Variants in MYO3A observed in about 807,000 individuals in gnomAD.
MYO3A encodes the protein myosin-IIIa.
Under a neutral mutation model 192.7 loss-of-function variants are expected in MYO3A, and 180 were observed. That is an observed-to-expected ratio of 0.93 (90% CI 0.83 to 1.06). The LOEUF (loss-of-function observed/expected upper bound fraction) is 1.06. Among genes scored for constraint, MYO3A ranks in the 50% least tolerant of loss-of-function variants. MYO3A has a pLI of 0.00. For missense variants in MYO3A, 1,896 were observed against 1,905.0 expected (o/e 1.00, Z 0.09); for synonymous variants, 628 against 645.3 (o/e 0.97, Z 0.41).
intron 2 of MYO3A, among the ~76,000 whole-genome samples, chr10:25,937,263 C>A (rs898442931): frequency 6.6e-6 from 1 of 152,218 alleles, no homozygotes; most frequent in Non-Finnish European, 1.5e-5. Flanking sequence ...TGCCACATTG[C>A]TGCCATCCTC....
intron 14 of MYO3A, among the ~76,000 whole-genome samples, chr10:26,073,868 G>A (rs1445944962): frequency 6.6e-6 from 1 of 151,884 alleles, no homozygotes; most frequent in Non-Finnish European, 1.5e-5. Flanking sequence ...AATTTGGGGT[G>A]GTGAAGGAAT....
At chr10:26,036,716 C>T (rs1254269676) in intron 10 of MYO3A, among the ~76,000 whole-genome samples, 1 of 152,180 alleles carries the variant, frequency 6.6e-6, no homozygotes, top group African/African-American at 2.4e-5. Context: ...CCAACTTGCT[C>T]ATCTCTCCCT....
At chr10:26,095,709 T>C (rs181597637) in intron 15 of MYO3A, among the ~76,000 whole-genome samples, 1 of 152,216 alleles carries the variant, frequency 6.6e-6, no homozygotes, top group Non-Finnish European at 1.5e-5. Context: ...AATGGCATTA[T>C]TGCAGCATCT....
chr10:25,995,094 C>A (rs559370874), intron 4 of MYO3A, among the ~76,000 whole-genome samples: 2 of 150,616 alleles, frequency 1.3e-5, no homozygotes, highest in East Asian at 1.9e-4. Context: ...GGATAATATC[C>A]TAAAGAGTGT....
chr10:25,996,165 C>T (rs997178657), intron 4 of MYO3A, among the ~76,000 whole-genome samples: 2 of 142,220 alleles, frequency 1.4e-5, no homozygotes, highest in African/African-American at 5.1e-5. Flanking sequence ...TTCCAGCTTC[C>T]TGGCCGCTTT....
chr10:26,021,808 T>C lies in MYO3A; in HGVS notation c.731+160T>C, dbSNP rs1268383196. Reference sequence around the variant, plus strand: ...TTCTGCTTCTTCTGAGACATTGTATTTGTTCAGTAGTTGCATTTCCCTGGT... The same window carrying C: ...TTCTGCTTCTTCTGAGACATTGTATCTGTTCAGTAGTTGCATTTCCCTGGT... On this transcript the variant is annotated intron_variant, in intron 8 of 34. Transcript: ENST00000642920. 4.1e-6 allele frequency: 4 copies of C among 974,522 alleles called. No individual in the cohort carries two copies. In the Admixed American group the frequency reaches 8.0e-5, roughly 20 times the overall value. 60.4% of individuals were successfully genotyped at this position (974,522 alleles called of 1,614,324 possible). A position where few individuals can be genotyped will look rare whatever the true frequency, so the allele number is the denominator to read the frequency against.
At chr10:26,000,612 T>G (rs929702966) in intron 6 of MYO3A, among the ~76,000 whole-genome samples, 11 of 152,074 alleles carry the variant, frequency 7.2e-5, no homozygotes, top group African/African-American at 2.7e-4. Context: ...ACCACAGGGT[T>G]TTTTTTTATA....
intron 4 of MYO3A, among the ~76,000 whole-genome samples, chr10:25,960,292 T>G (rs952675897): frequency 2.0e-5 from 3 of 152,156 alleles, no homozygotes; most frequent in Non-Finnish European, 4.4e-5. Flanking sequence ...TCAAAAATCT[T>G]TCATCATCTG....
At chr10:25,968,571 C>T (rs987187946) in intron 4 of MYO3A, among the ~76,000 whole-genome samples, 1 of 152,170 alleles carries the variant, frequency 6.6e-6, no homozygotes, top group African/African-American at 2.4e-5. Context: ...ACAATTATAA[C>T]TCTATATTGT....
At chr10:26,168,932 A>C in intron 28 of MYO3A, 58 bp downstream of exon 28, 1 of 1,516,210 alleles carries the variant, frequency 6.6e-7, no homozygotes, top group Non-Finnish European at 9.1e-7. Context: ...AATACTTCTT[A>C]CAGGCAAACC....
At chr10:26,126,199 C>T (rs543444943) in intron 19 of MYO3A, among the ~76,000 whole-genome samples, 6 of 152,048 alleles carry the variant, frequency 3.9e-5, no homozygotes, top group South Asian at 2.1e-4. Context: ...ATTACAGCCA[C>T]GACTGACTGA....
At chr10:25,979,423 A>G (rs565078642) in intron 4 of MYO3A, among the ~76,000 whole-genome samples, 2 of 151,776 alleles carry the variant, frequency 1.3e-5, no homozygotes, top group South Asian at 2.1e-4. Context: ...AAAAAAAAAA[A>G]AAGAAAACAG....
At chr10:26,151,952 C>T (rs766716567) in intron 23 of MYO3A, among the ~76,000 whole-genome samples, 10 of 152,162 alleles carry the variant, frequency 6.6e-5, no homozygotes, top group Non-Finnish European at 1.0e-4. Context: ...TTAATCTAGT[C>T]GGTGTTACTT....
chr10:25,959,225 T>C (rs184917939), intron 4 of MYO3A, among the ~76,000 whole-genome samples: 323 of 152,256 alleles, frequency 2.1e-3, no homozygotes, highest in African/African-American at 7.2e-3. Context: ...TGTATGTTTT[T>C]TGTATGTTTA....
chr10:25,996,358 A>T, intron 4 of MYO3A, 132 bp from the exon 5 acceptor site: 2 of 710,600 alleles, frequency 2.8e-6, no homozygotes, highest in South Asian at 1.6e-5. Flanking sequence ...TTATGAAAGC[A>T]TAAAGATAAT....
chr10:26,009,672 A>T (rs1321286033), intron 6 of MYO3A, among the ~76,000 whole-genome samples: 1 of 152,200 alleles, frequency 6.6e-6, no homozygotes, highest in Non-Finnish European at 1.5e-5. Flanking sequence ...TTTTATTAAG[A>T]GCTACCAAGT....
chr10:26,193,503 A>G (rs1286199979), intron 32 of MYO3A, among the ~76,000 whole-genome samples, 192 bp downstream of exon 32: 2 of 152,040 alleles, frequency 1.3e-5, no homozygotes, highest in Non-Finnish European at 2.9e-5. Flanking sequence ...TCTTCCTCAC[A>G]TTCAAGCCTC....
rs751407743 is a variant in MYO3A, at chr10:26,128,403, T to C, written c.2127T>C (p.Asp709=). ...TCAATTCTTCTAGTGGGAATGGTGATGAGCTGAGCATTGGCATTCTTGATA... is the reference window on the plus strand; with the variant it reads ...TCAATTCTTCTAGTGGGAATGGTGACGAGCTGAGCATTGGCATTCTTGATA... ...KHDSSPSGNG[D]ELSIGILDIF... The change falls in exon 20 of 35, where the codon GAT becomes GAC. Residue 709 remains aspartate (D), a synonymous_variant. Coordinates refer to ENST00000642920, the MANE Select transcript of MYO3A (RefSeq NM_017433.5). 7 of 1,613,180 alleles carry C rather than the reference T, an allele frequency of 4.3e-6. No homozygotes were observed. The highest frequency in any genetic ancestry group is 5.9e-6 in the Non-Finnish European group (7 of 1,179,312).
chr10:26,137,697 T>A (rs1427446050), intron 20 of MYO3A, among the ~76,000 whole-genome samples: 1 of 152,308 alleles, frequency 6.6e-6, no homozygotes, highest in South Asian at 2.1e-4. Context: ...CATCACTAAA[T>A]TATTTTCCTA....
Sources: allele counts gnomAD v4.1 joint callset (sites outside exome capture counted in the v4.1 genomes callset), GRCh38; gene constraint gnomAD v4.1.1; transcripts MANE v1.5; gene names NCBI Gene and HGNC (gene_info 2026-07-23, HGNC 2026-07-21).